The following ZC3H12B variants were observed in gnomAD, a reference collection of about 807,000 sequenced individuals.
ZC3H12B encodes the protein zinc finger CCCH-type containing 12B.
ZC3H12B carries 7 observed loss-of-function variants against 43.9 expected under a neutral mutation model. The observed-to-expected ratio is 0.16, with a 90% CI of 0.09 to 0.30. ZC3H12B has a LOEUF of 0.30. Among genes scored for constraint, ZC3H12B ranks in the 10% least tolerant of loss-of-function variants. The pLI, the probability that ZC3H12B is intolerant of heterozygous loss-of-function variation, is 1.00. For synonymous variants in ZC3H12B, 222 were observed against 241.7 expected, an observed-to-expected ratio of 0.92 and a Z score of 0.76; for missense variants, 475 against 670.2, an observed-to-expected ratio of 0.71 and a Z score of 3.22.
chrX:65,422,135 A>G (rs1057011385), intron 3 of ZC3H12B, among the ~76,000 whole-genome samples: 1 of 111,151 alleles, frequency 9.0e-6, no homozygotes, highest in Non-Finnish European at 1.9e-5. Context: ...CCATAGGACT[A>G]TATATGCTCA....
the ZC3H12B span, among the ~76,000 whole-genome samples, chrX:65,267,952 A>T: frequency 9.0e-6 from 1 of 111,528 alleles, no homozygotes; most frequent in African/African-American, 3.2e-5. Context: ...TGTAGCAGGA[A>T]AACCATAGGA....
At chrX:65,378,559 C>T (rs930798151) in intron 2 of ZC3H12B, among the ~76,000 whole-genome samples, 91 of 112,270 alleles carry the variant, frequency 8.1e-4, no homozygotes, top group African/African-American at 2.7e-3. Flanking sequence ...AAAAAGACTA[C>T]AAAACAACCA....
chrX:65,091,927 A>G, the ZC3H12B span, among the ~76,000 whole-genome samples: 1 of 112,263 alleles, frequency 8.9e-6, no homozygotes, highest in South Asian at 3.7e-4. Context: ...TAATGTTCAA[A>G]TGTAATCCCC....
intron 3 of ZC3H12B, among the ~76,000 whole-genome samples, chrX:65,474,396 T>A (rs2067965714): frequency 9.0e-6 from 1 of 111,029 alleles, no homozygotes; most frequent in South Asian, 3.8e-4. Flanking sequence ...TATTACTAGA[T>A]CCTGTTTTTT....
At chrX:65,203,356 C>G in the ZC3H12B span, among the ~76,000 whole-genome samples, 30 of 111,606 alleles carry the variant, frequency 2.7e-4, no homozygotes, top group African/African-American at 9.8e-4. Flanking sequence ...GAAGCCAACA[C>G]AACTTAAGTT....
the ZC3H12B span, among the ~76,000 whole-genome samples, chrX:65,337,908 T>C: frequency 8.9e-6 from 1 of 112,305 alleles, no homozygotes; most frequent in Admixed American, 9.4e-5. Flanking sequence ...TCAAAAATGT[T>C]TTGGGTGTCA....
chrX:65,449,066 G>GGAAA (rs111812770), intron 3 of ZC3H12B, among the ~76,000 whole-genome samples: 13 of 105,185 alleles, frequency 1.2e-4, no homozygotes, highest in South Asian at 8.4e-4. Context: ...AAAGAAGGAA[G>GGAAA]GAAAGAAAGA....
chrX:65,375,586 A>T (rs1178186891), intron 2 of ZC3H12B, among the ~76,000 whole-genome samples: 1 of 111,792 alleles, frequency 8.9e-6, no homozygotes, highest in African/African-American at 3.3e-5. Context: ...TTTGTCTTGC[A>T]CCTTGAATAC....
At chrX:65,448,538 C>G (rs184448974) in intron 3 of ZC3H12B, among the ~76,000 whole-genome samples, 1 of 111,599 alleles carries the variant, frequency 9.0e-6, no homozygotes, top group African/African-American at 3.3e-5. Flanking sequence ...GATGTGGGAC[C>G]GGGCACTGTG....
At chrX:65,472,635 A>C (rs770430057) in intron 3 of ZC3H12B, among the ~76,000 whole-genome samples, 1 of 107,640 alleles carries the variant, frequency 9.3e-6, no homozygotes, top group Non-Finnish European at 1.9e-5. Context: ...ATTATTCTGC[A>C]TGTGGATATT....
intron 2 of ZC3H12B, among the ~76,000 whole-genome samples, chrX:65,375,131 ACAGCGGTTGTGAAACCTTGCGTTG>A (rs1347443991): frequency 8.9e-6 from 1 of 111,736 alleles, no homozygotes; most frequent in African/African-American, 3.3e-5. Flanking sequence ...AAGGGAGGGT[ACAGCGGTTGTGAAACCTTGCGTTG>A]AACTCAATTT....
At chrX:65,384,804 C>T (rs1439728098) in intron 2 of ZC3H12B, among the ~76,000 whole-genome samples, 1 of 111,850 alleles carries the variant, frequency 8.9e-6, no homozygotes, top group African/African-American at 3.2e-5. Flanking sequence ...ACTGAAGATA[C>T]AGGGATGGAA....
At chrX:65,388,605 G>A (rs1362141035) in intron 2 of ZC3H12B, among the ~76,000 whole-genome samples, 6 of 111,323 alleles carry the variant, frequency 5.4e-5, no homozygotes, top group Non-Finnish European at 1.9e-5. Context: ...CTTTAGCTCA[G>A]AGTAGTTTGA....
At chrX:65,091,701 G>T in the ZC3H12B span, among the ~76,000 whole-genome samples, 1 of 111,243 alleles carries the variant, frequency 9.0e-6, no homozygotes, top group Non-Finnish European at 1.9e-5. Context: ...AGAGTAAGTG[G>T]TTTGTCCAAG....
At chrX:65,163,474 A>T in the ZC3H12B span, among the ~76,000 whole-genome samples, 1 of 110,550 alleles carries the variant, frequency 9.0e-6, no homozygotes, top group Admixed American at 9.6e-5. Flanking sequence ...CTGAGCAATG[A>T]CATGCACCCC....
the ZC3H12B span, among the ~76,000 whole-genome samples, chrX:65,079,185 T>C: frequency 2.7e-5 from 3 of 112,871 alleles, no homozygotes; most frequent in Non-Finnish European, 5.6e-5. Flanking sequence ...GTGGTTTGAA[T>C]GCCAACTCAG....
At chrX:65,373,348 C>A (rs1478051293) in intron 2 of ZC3H12B, among the ~76,000 whole-genome samples, 2 of 111,446 alleles carry the variant, frequency 1.8e-5, no homozygotes, top group Non-Finnish European at 3.8e-5. Flanking sequence ...CCTCAGGGAC[C>A]TAGAACTAGA....
the ZC3H12B span, among the ~76,000 whole-genome samples, chrX:65,054,926 C>T: frequency 9.0e-6 from 1 of 111,548 alleles, no homozygotes; most frequent in Admixed American, 9.5e-5. Flanking sequence ...GTGATTTTTG[C>T]ACATTGATTT....
chrX:65,067,646 A>G, the ZC3H12B span, among the ~76,000 whole-genome samples: 1 of 111,411 alleles, frequency 9.0e-6, no homozygotes. Flanking sequence ...TCTTTCTCTT[A>G]GTCTGGCTAA....
Sources: allele counts gnomAD v4.1 joint callset (sites outside exome capture counted in the v4.1 genomes callset), GRCh38; gene constraint gnomAD v4.1.1; transcripts MANE v1.5; gene names NCBI Gene and HGNC (gene_info 2026-07-23, HGNC 2026-07-21).